GPN3: variants seen among roughly 807,000 people sequenced by gnomAD.
The protein encoded by GPN3 is ATP-binding domain 1 family member C.
In GPN3, 31 loss-of-function variants were observed where a neutral mutation model predicts 38.7. That is an observed-to-expected ratio of 0.80 (90% CI 0.60 to 1.08). The LOEUF (loss-of-function observed/expected upper bound fraction) is 1.08, where lower values mean the gene tolerates loss of function less well. Among genes scored for constraint, GPN3 ranks in the 50% least tolerant of loss-of-function variants. The pLI is 0.00. For missense variants in GPN3, 301 were observed against 354.4 expected (o/e 0.85, Z 1.21); for synonymous variants, 116 against 120.2 (o/e 0.96, Z 0.23).
intron 4 of GPN3, among the ~76,000 whole-genome samples, chr12:110,456,848 C>T (rs954507097): frequency 6.6e-6 from 1 of 152,042 alleles, no homozygotes; most frequent in Admixed American, 6.6e-5. Flanking sequence ...CAGGCATGTG[C>T]CACAACGTCT....
chr12:110,465,611 G>A (rs1330843063), intron 1 of GPN3, among the ~76,000 whole-genome samples: 2 of 152,214 alleles, frequency 1.3e-5, no homozygotes, highest in African/African-American at 4.8e-5. Flanking sequence ...CAGGGATGAT[G>A]TCTCTGAGTA....
intron 7 of GPN3, among the ~76,000 whole-genome samples, chr12:110,453,345 AT>A (rs1474281955): frequency 6.6e-6 from 1 of 152,150 alleles, no homozygotes. Context: ...ATTCAAGACG[AT>A]TCTTGGCTAA....
At position 110,455,652 on chromosome 12, in the gene GPN3, T is replaced by C; in HGVS notation, c.597A>G (p.Leu199=). 2 of 1,360,966 alleles carry C rather than the reference T, an allele frequency of 1.5e-6. No homozygotes were observed. Among genetic ancestry groups the C allele is most frequent in the Non-Finnish European group, 2.1e-6 (2 of 950,960 alleles). The allele number at this position is 1,360,966 out of a possible 1,614,324, so 84.3% of individuals were successfully genotyped here. ...KFLDPDMYSL[L]EDSTSDLRSK... ...TTCTTAAGTCACTTGTAGAATCTTCTAATAAAGAATACATGTCTGGATCTA... is the reference window on the plus strand; with the variant it reads ...TTCTTAAGTCACTTGTAGAATCTTCCAATAAAGAATACATGTCTGGATCTA... Residue 199 remains leucine, a synonymous_variant, in exon 6 of 8, where the codon TTA becomes TTG. Transcript: ENST00000228827.
intron 2 of GPN3, among the ~76,000 whole-genome samples, chr12:110,463,159 C>T (rs2062602395): frequency 6.6e-6 from 1 of 152,058 alleles, no homozygotes; most frequent in South Asian, 2.1e-4. Context: ...GTGGCTCATG[C>T]CTATTATCCC....
rs2062560749 is a variant in GPN3, at chr12:110,457,742, AT to A, written c.326-109del. The A allele has an allele frequency of 8.7e-6, 6 of 688,150 alleles. No homozygotes were observed. In the East Asian group the frequency reaches 1.7e-4, roughly 20 times the overall value. The allele number at this position is 688,150 out of a possible 1,614,324, so 42.6% of individuals were successfully genotyped here. On this transcript the variant is annotated intron_variant, in intron 3 of 7. Transcript: ENST00000228827. Reference sequence around the variant, plus strand: ...GATGGACAAAAATAAAAGCCAACACATTTTTAAGGGGCCCACAGCCTCTCAA... The same window carrying A: ...GATGGACAAAAATAAAAGCCAACACATTTTAAGGGGCCCACAGCCTCTCAA...
chr12:110,463,635 A>AAAAAAAAAAAAAAAAAAAAAAAAC (rs2062607433), intron 2 of GPN3, among the ~76,000 whole-genome samples: 1 of 142,160 alleles, frequency 7.0e-6, no homozygotes, highest in African/African-American at 2.6e-5. Context: ...AAAAAAAAAA[A>AAAAAAAAAAAAAAAAAAAAAAAAC]AAAAAGTATA....
At chr12:110,455,786 T>C (rs1315523261) in intron 5 of GPN3, 29 bp downstream of exon 5, 1 of 1,209,460 alleles carries the variant, frequency 8.3e-7, no homozygotes, top group South Asian at 1.2e-5. Flanking sequence ...AACTGAGATC[T>C]GATAATAATG....
chr12:110,457,485 A>AAAT, intron 4 of GPN3, 25 bp downstream of exon 4: 1 of 1,234,208 alleles, frequency 8.1e-7, no homozygotes, highest in Non-Finnish European at 1.1e-6. Flanking sequence ...AAAAAAAAAA[A>AAAT]TCTGTAAGAG....
intron 4 of GPN3, among the ~76,000 whole-genome samples, chr12:110,456,531 C>G (rs1361836386): frequency 6.6e-6 from 1 of 152,062 alleles, no homozygotes; most frequent in African/African-American, 2.4e-5. Context: ...ATTTAGACAG[C>G]ATTTTAATTT....
chr12:110,457,824 T>C (rs980698388), intron 3 of GPN3, among the ~76,000 whole-genome samples, 190 bp from the exon 4 acceptor site: 2 of 152,110 alleles, frequency 1.3e-5, no homozygotes, highest in African/African-American at 4.8e-5. Flanking sequence ...TATTAAGTTT[T>C]ATGTAGAAAA....
At chr12:110,462,621 C>CT (rs2062597206) in intron 2 of GPN3, among the ~76,000 whole-genome samples, 2 of 151,998 alleles carry the variant, frequency 1.3e-5, no homozygotes, top group Admixed American at 6.6e-5. Context: ...GAGTTTTGCT[C>CT]TTGTTGCCCA....
chr12:110,459,635 T>C, intron 3 of GPN3, 60 bp downstream of exon 3: 2 of 1,123,556 alleles, frequency 1.8e-6, no homozygotes, highest in Admixed American at 1.8e-5. Flanking sequence ...TCCTTTCTCC[T>C]ACTAAGGATG....
In GPN3 at chr12:110,458,699, G is replaced by A. The variant is rs2062566567; in HGVS notation, c.325+996C>T. On this transcript the variant is annotated intron_variant, in intron 3 of 7. Coordinates refer to ENST00000228827, the MANE Select transcript of GPN3 (RefSeq NM_016301.4). The surrounding 1 kb of genome is among the most constrained non-coding windows in gnomAD (Gnocchi z 4.4). ...GGAGACTGAGACAGGAGAATCACTT[G>A]AACCCAGGAAGTGGAGACTGGAGTG... is the stretch of plus-strand genomic sequence containing the variant. Among the ~76,000 whole-genome samples, 1 of 151,702 alleles carries A rather than the reference G, an allele frequency of 6.6e-6. No homozygotes were observed. Among genetic ancestry groups the A allele is most frequent in the African/African-American group, 2.4e-5 (1 of 41,238 alleles).
intron 2 of GPN3, among the ~76,000 whole-genome samples, chr12:110,463,499 G>C (rs1023880288): frequency 6.7e-6 from 1 of 149,488 alleles, no homozygotes; most frequent in Non-Finnish European, 1.5e-5. Context: ...GCCGGATGCA[G>C]TGGCTCACGC....
chr12:110,468,262 T>G, upstream of GPN3: 2 of 1,602,822 alleles, frequency 1.2e-6, no homozygotes, highest in Non-Finnish European at 1.7e-6. Context: ...CCCACTGAGC[T>G]CCGGGAAAGT....
rs2062566904 is a variant in GPN3 at position 110,458,761 on chromosome 12, C to T, written c.325+934G>A. Among the ~76,000 whole-genome samples, 1 of 149,796 alleles carries T rather than the reference C, an allele frequency of 6.7e-6. No homozygotes were observed. The highest frequency in any genetic ancestry group is 2.1e-4 in the South Asian group (1 of 4,748). ...CGCCATCATACTCCAGCCTGGGTGA[C>T]AGGAATGAAACTCAGTCTCAAAAAA... On this transcript the variant is annotated intron_variant, in intron 3 of 7. Transcript: ENST00000228827. This position sits in a 1 kb window ranked among gnomAD's most constrained non-coding sequence, Gnocchi z 4.4.
intron 1 of GPN3, 168 bp downstream of exon 1, chr12:110,467,988 C>T: frequency 1.1e-6 from 1 of 938,494 alleles, no homozygotes; most frequent in Non-Finnish European, 1.7e-6. Context: ...ACCATTATTT[C>T]CCTTTCAAAA....
intron 4 of GPN3, among the ~76,000 whole-genome samples, chr12:110,457,242 C>T (rs2062556415): frequency 6.6e-6 from 1 of 151,316 alleles, no homozygotes; most frequent in Non-Finnish European, 1.5e-5. Flanking sequence ...TGTTTGAGGT[C>T]AGGAGTTTGA....
rs1010604872 is a variant in GPN3, at chr12:110,457,446, T to C, written c.450+64A>G. 6.0e-6 allele frequency: 8 copies of C among 1,342,238 alleles called. No individual in the cohort carries two copies. In the African/African-American group the frequency reaches 9.0e-5, roughly 15 times the overall value. 83.1% of individuals were successfully genotyped at this position (1,342,238 alleles called of 1,614,324 possible). A position where few individuals can be genotyped will look rare whatever the true frequency, so the allele number is the denominator to read the frequency against. On this transcript the variant is annotated intron_variant, in intron 4 of 7. Coordinates refer to ENST00000228827, the MANE Select transcript of GPN3 (RefSeq NM_016301.4). ...CAGCCTAGGCAACAGAGTAAGACTC[T>C]GTCACACACACAAAAAAAAAAAAAA...
Sources: allele counts gnomAD v4.1 joint callset (sites outside exome capture counted in the v4.1 genomes callset), GRCh38; gene constraint gnomAD v4.1.1; non-coding constraint Gnocchi (gnomAD v3.1); transcripts MANE v1.5; gene names NCBI Gene and HGNC (gene_info 2026-07-23, HGNC 2026-07-21).